The following CLASP1 variants were observed in gnomAD, a reference collection of about 807,000 sequenced individuals.
CLASP1 encodes cytoplasmic linker associated protein 1, also known as CLIP-associating protein 1.
Under a neutral mutation model 192.3 loss-of-function variants are expected in CLASP1, and 38 were observed. The ratio of observed to expected loss-of-function variants is 0.20; its 90% confidence interval spans 0.15 to 0.26. CLASP1 has a LOEUF of 0.26. Ranked by LOEUF, CLASP1 falls within the 10% of genes least tolerant of loss-of-function variation. The probability of loss-of-function intolerance (pLI) is 1.00; values close to 1 mark genes in which losing one functional copy is unlikely to be tolerated. For synonymous variants in CLASP1, 691 were observed against 712.8 expected (o/e 0.97, Z 0.49); for missense variants, 1,433 against 1,932.5 (o/e 0.74, Z 4.85).
chr2:121,594,397 A>AT (rs111667602), intron 2 of CLASP1, among the ~76,000 whole-genome samples: 33,899 of 146,748 alleles, frequency 0.23, 5,745 homozygotes, highest in African/African-American at 0.48. Flanking sequence ...TAGTCTATCA[A>AT]TTTTTTTTTT....
chr2:121,546,422 CA>C (rs2057422750), intron 2 of CLASP1, among the ~76,000 whole-genome samples: 1 of 151,664 alleles, frequency 6.6e-6, no homozygotes, highest in Non-Finnish European at 1.5e-5. Flanking sequence ...ATTAAACATC[CA>C]GGTACACGCA....
intron 1 of CLASP1, among the ~76,000 whole-genome samples, chr2:121,616,599 A>G (rs2066502050): frequency 1.3e-5 from 2 of 152,204 alleles, no homozygotes; most frequent in South Asian, 4.1e-4. Flanking sequence ...AGCAGGATCT[A>G]CTCACACTAA....
intron 35 of CLASP1, among the ~76,000 whole-genome samples, chr2:121,366,023 T>C (rs1489919208): frequency 6.6e-6 from 1 of 152,212 alleles, no homozygotes; most frequent in African/African-American, 2.4e-5. Flanking sequence ...AGACAAGTTA[T>C]TAGGAACTAC....
intron 1 of CLASP1, among the ~76,000 whole-genome samples, chr2:121,637,297 T>C (rs937338408): frequency 6.6e-6 from 1 of 151,242 alleles, no homozygotes; most frequent in African/African-American, 2.4e-5. Context: ...GAAAATGAAG[T>C]CAAAAACCCA....
At chr2:121,483,510 ATGTATATATGTG>A (rs1213571718) in intron 8 of CLASP1, among the ~76,000 whole-genome samples, 1 of 151,478 alleles carries the variant, frequency 6.6e-6, no homozygotes, top group African/African-American at 2.4e-5. Context: ...ATATATATGT[ATGTATATATGTG>A]TGTGTATATA....
At chr2:121,600,064 A>T (rs1311032217) in intron 2 of CLASP1, among the ~76,000 whole-genome samples, 2 of 152,228 alleles carry the variant, frequency 1.3e-5, no homozygotes, top group Admixed American at 6.5e-5. Context: ...TTTCAATTTT[A>T]AAAATCTTGA....
intron 1 of CLASP1, among the ~76,000 whole-genome samples, chr2:121,619,472 C>G (rs1217390595): frequency 6.6e-6 from 1 of 152,082 alleles, no homozygotes; most frequent in Admixed American, 6.6e-5. Context: ...GCTGGCAGAT[C>G]AGTTATTTCC....
chr2:121,407,903 A>C (rs1301799706), intron 24 of CLASP1, 188 bp from the exon 26 acceptor site: 3 of 768,454 alleles, frequency 3.9e-6, no homozygotes, highest in Non-Finnish European at 7.0e-6. Flanking sequence ...TAGGTAAATA[A>C]GCAAAGCACT....
At chr2:121,617,671 G>A (rs1018102061) in intron 1 of CLASP1, among the ~76,000 whole-genome samples, 1 of 152,190 alleles carries the variant, frequency 6.6e-6, no homozygotes, top group Non-Finnish European at 1.5e-5. Flanking sequence ...CCCTACTTGT[G>A]TGAAAACAAA....
chr2:121,546,834 T>C (rs538272851), intron 2 of CLASP1, among the ~76,000 whole-genome samples: 4 of 152,246 alleles, frequency 2.6e-5, no homozygotes, highest in South Asian at 4.1e-4. Context: ...GGCTGCTCTA[T>C]GAAAAAGAGG....
intron 1 of CLASP1, among the ~76,000 whole-genome samples, chr2:121,631,916 G>T (rs914710215): frequency 4.6e-5 from 7 of 151,896 alleles, no homozygotes; most frequent in African/African-American, 1.7e-4. Flanking sequence ...GCGTGGTGGC[G>T]TGCCCATGTA....
intron 37 of CLASP1, among the ~76,000 whole-genome samples, chr2:121,362,489 T>C (rs1473767274): frequency 6.6e-6 from 1 of 152,316 alleles, no homozygotes; most frequent in African/African-American, 2.4e-5. Context: ...ACTGCAGAGA[T>C]AGCTTGCTAG....
chr2:121,611,634 GGAA>G (rs200195118), intron 1 of CLASP1, among the ~76,000 whole-genome samples: 413 of 114,830 alleles, frequency 3.6e-3, no homozygotes, highest in African/African-American at 9.6e-3. Flanking sequence ...AGGAACTGGA[GGAA>G]GAGGAGGAGT....
intron 39 of CLASP1, among the ~76,000 whole-genome samples, chr2:121,344,300 C>A (rs2063165560): frequency 1.3e-5 from 2 of 151,960 alleles, no homozygotes; most frequent in African/African-American, 4.8e-5. Context: ...CAGAAGATAT[C>A]TCTTCCTGGT....
intron 8 of CLASP1, among the ~76,000 whole-genome samples, chr2:121,500,372 GAAAGAAAGAAAGAAAGAAAGAAAGA>G (rs1559449593): frequency 1.7e-5 from 2 of 114,500 alleles, no homozygotes; most frequent in South Asian, 5.4e-4. Context: ...AAGAAAGAAA[GAAAGAAAGAAAGAAAGAAAGAAAGA>G]AAAGAAAGAA....
exon 26 of CLASP1, chr2:121,404,379 G>C: frequency 6.2e-7 from 1 of 1,612,236 alleles, no homozygotes; most frequent in East Asian, 2.2e-5. Context: ...ACCTTGCTAT[G>C]AGGGTCAGCA....
chr2:121,575,058 ATTTC>A (rs2060370930), intron 2 of CLASP1, among the ~76,000 whole-genome samples: 1 of 152,142 alleles, frequency 6.6e-6, no homozygotes, highest in African/African-American at 2.4e-5. Flanking sequence ...AATATTACAT[ATTTC>A]AAAGCATCAT....
chr2:121,392,274 A>G (rs924910601), intron 30 of CLASP1, among the ~76,000 whole-genome samples: 1 of 152,238 alleles, frequency 6.6e-6, no homozygotes, highest in Non-Finnish European at 1.5e-5. Flanking sequence ...TGCCATTACC[A>G]CATTCCCTTT....
At chr2:121,617,846 T>C (rs1013275686) in intron 1 of CLASP1, among the ~76,000 whole-genome samples, 1 of 152,150 alleles carries the variant, frequency 6.6e-6, no homozygotes, top group African/African-American at 2.4e-5. Flanking sequence ...TAAACTGATG[T>C]CTCCCAAATT....
Sources: allele counts gnomAD v4.1 joint callset (sites outside exome capture counted in the v4.1 genomes callset), GRCh38; gene constraint gnomAD v4.1.1; transcripts MANE v1.5; gene names NCBI Gene and HGNC (gene_info 2026-07-23, HGNC 2026-07-21).